SYT16: variants seen among roughly 807,000 people sequenced by gnomAD.
SYT16 encodes the protein synaptotagmin 16, also known as synaptotagmin-16.
SYT16 carries 42 observed loss-of-function variants against 61.4 expected under a neutral mutation model. The ratio of observed to expected loss-of-function variants is 0.68; its 90% CI spans 0.53 to 0.89. The LOEUF (loss-of-function observed/expected upper bound fraction) is 0.89. Among genes scored for constraint, SYT16 ranks in the 40% least tolerant of loss-of-function variants. The pLI is 0.00. For missense variants in SYT16, 804 were observed against 807.3 expected (o/e 1.00, Z 0.05); for synonymous variants, 314 against 302.3 (o/e 1.04, Z -0.40).
At chr14:61,832,671 C>T (rs1390694310) in intron 1 of SYT16, among the ~76,000 whole-genome samples, 1 of 152,170 alleles carries the variant, frequency 6.6e-6, no homozygotes, top group East Asian at 1.9e-4. Context: ...CACCTGACCT[C>T]AGGTGATCCG....
intron 3 of SYT16, among the ~76,000 whole-genome samples, chr14:62,034,161 G>A (rs578002598): frequency 5.3e-5 from 8 of 152,270 alleles, no homozygotes; most frequent in African/African-American, 1.9e-4. Flanking sequence ...GTGCCACCTT[G>A]TACCCACCAG....
intron 1 of SYT16, among the ~76,000 whole-genome samples, chr14:61,838,523 C>T (rs977783118): frequency 1.3e-5 from 2 of 152,188 alleles, no homozygotes; most frequent in African/African-American, 4.8e-5. Flanking sequence ...TACCCAGGCA[C>T]AGGTGGGAAC....
At chr14:61,995,246 A>G (rs1015707182) in intron 2 of SYT16, among the ~76,000 whole-genome samples, 16 of 152,116 alleles carry the variant, frequency 1.1e-4, no homozygotes, top group African/African-American at 3.4e-4. Flanking sequence ...AGAGCTATCT[A>G]TCTTCGGGAG....
intron 1 of SYT16, among the ~76,000 whole-genome samples, chr14:61,858,063 G>A (rs1566631189): frequency 7.6e-6 from 1 of 131,124 alleles, no homozygotes; most frequent in Non-Finnish European, 1.5e-5. Flanking sequence ...CCACTTCACA[G>A]TGTAAGCATG....
intron 3 of SYT16, among the ~76,000 whole-genome samples, chr14:62,018,028 C>T (rs947468456): frequency 6.6e-6 from 1 of 152,010 alleles, no homozygotes; most frequent in African/African-American, 2.4e-5. Flanking sequence ...ATTGAACTTA[C>T]CTCCTGATTT....
intron 1 of SYT16, chr14:61,865,296 C>A (rs748977998): frequency 1.3e-4 from 102 of 755,866 alleles, no homozygotes; most frequent in Non-Finnish European, 2.3e-4. Context: ...CTACACATCC[C>A]TCTGAACGCA....
rs1566859664 is a variant in SYT16 at position 62,107,479 on chromosome 14, CAG to C, written c.*6773_*6774del. ...TTTTTAAGTGTAAATGTTCCAGACT[CAG>C]GGTTAGGGGTTGGAGAATGGCAGAT... is the stretch of plus-strand genomic sequence containing the variant. On this transcript the variant is annotated 3_prime_UTR_variant, in exon 8 of 8. Coordinates refer to ENST00000683842, the MANE Select transcript of SYT16 (RefSeq NM_001367656.1). 1 of 152,090 alleles carries C rather than the reference CAG, an allele frequency of 6.6e-6. No homozygotes were observed. The highest frequency in any genetic ancestry group is 1.5e-5 in the Non-Finnish European group (1 of 68,002). The allele number at this position is 152,090 out of a possible 1,614,324, so 9.4% of individuals were successfully genotyped here. A position where few individuals can be genotyped will look rare whatever the true frequency, so the allele number is the denominator to read the frequency against.
intron 1 of SYT16, among the ~76,000 whole-genome samples, chr14:61,899,862 G>T (rs2048449902): frequency 6.6e-6 from 1 of 152,154 alleles, no homozygotes; most frequent in Admixed American, 6.5e-5. Flanking sequence ...ATCTCCCAGG[G>T]AGGAACTGTG....
At chr14:62,078,106 GCT>G (rs138705547) in intron 5 of SYT16, among the ~76,000 whole-genome samples, 151 of 137,012 alleles carry the variant, frequency 1.1e-3, no homozygotes, top group Non-Finnish European at 1.4e-3. Context: ...TTGTGCGCTT[GCT>G]CTCTCTCTCT....
At chr14:61,991,453 A>G (rs1253469046) in intron 2 of SYT16, among the ~76,000 whole-genome samples, 1 of 151,880 alleles carries the variant, frequency 6.6e-6, no homozygotes, top group Non-Finnish European at 1.5e-5. Context: ...TGGCATTATT[A>G]TCCTTGGTGT....
chr14:61,909,647 A>G (rs1181446667), intron 1 of SYT16, among the ~76,000 whole-genome samples: 1 of 152,124 alleles, frequency 6.6e-6, no homozygotes, highest in Non-Finnish European at 1.5e-5. Context: ...TTCCCAAGTA[A>G]GCTCATAGTC....
chr14:62,037,734 T>A (rs1213815399), intron 3 of SYT16, among the ~76,000 whole-genome samples: 1 of 152,222 alleles, frequency 6.6e-6, no homozygotes, highest in Admixed American at 6.5e-5. Flanking sequence ...AACCTGAATC[T>A]TGAAACATAT....
rs79712749 is a variant in SYT16 at position 62,043,782 on chromosome 14, A to G, written c.524-25821A>G. ...TATGTTTTTCATCCCTAACCTGTCA[A>G]TGAGATTAATTATATTTAAGAGACT... On this transcript the variant is annotated intron_variant, in intron 3 of 7. Transcript: ENST00000683842. Among the ~76,000 whole-genome samples the G allele has an allele frequency of 2.6e-3, 395 of 152,186 alleles. 2 individuals are homozygous for G. The highest frequency in any genetic ancestry group is 9.0e-3 in the African/African-American group (375 of 41,534).
At chr14:61,936,157 G>A (rs377310884) in intron 1 of SYT16, among the ~76,000 whole-genome samples, 14 of 152,110 alleles carry the variant, frequency 9.2e-5, no homozygotes, top group Non-Finnish European at 1.9e-4. Flanking sequence ...AAAGGAACTC[G>A]GAATGAATCC....
chr14:61,832,082 G>T, intron 1 of SYT16: 1 of 725,430 alleles, frequency 1.4e-6, no homozygotes. Flanking sequence ...ACTCGTTCAC[G>T]CCCCTGTTCA....
chr14:61,907,779 C>T (rs1249037858), intron 1 of SYT16, among the ~76,000 whole-genome samples: 1 of 152,238 alleles, frequency 6.6e-6, no homozygotes, highest in African/African-American at 2.4e-5. Context: ...GGAGAGACTA[C>T]AGAAGGGTGT....
At chr14:62,001,615 T>A (rs2053019387) in intron 3 of SYT16, among the ~76,000 whole-genome samples, 2 of 106,750 alleles carry the variant, frequency 1.9e-5, no homozygotes, top group South Asian at 5.7e-4. Flanking sequence ...TTATTAGGTC[T>A]GTGGGTTTAA....
rs533366650 is a variant in SYT16, at chr14:61,842,152, C to T, written c.-325+29342C>T. ...ATCATGTAAAATGAGGGATCTCTAC[C>T]ATCAAACATTAATCCTTTGTGTTAT... is the stretch of plus-strand genomic sequence containing the variant. On this transcript the variant is annotated intron_variant, in intron 1 of 7. Transcript: ENST00000683842. Among the ~76,000 whole-genome samples, 122 of 152,230 alleles carry T rather than the reference C, an allele frequency of 8.0e-4. 2 individuals carry two copies. The South Asian group carries it at 0.022, about 28-fold the overall frequency.
At chr14:62,020,450 G>C (rs1387754426) in intron 3 of SYT16, among the ~76,000 whole-genome samples, 3 of 152,070 alleles carry the variant, frequency 2.0e-5, no homozygotes, top group Admixed American at 6.6e-5. Context: ...TCCGTCTTTA[G>C]AATAGTTCCT....
Sources: gnomAD v4.1 joint callset for allele counts (sites outside exome capture counted in the v4.1 genomes callset) on GRCh38, gnomAD v4.1.1 for gene constraint, MANE v1.5 for transcripts, NCBI Gene and HGNC (gene_info 2026-07-23, HGNC 2026-07-21) for gene names.